The following TEK variants were observed in gnomAD, a reference collection of about 807,000 sequenced individuals.
The protein encoded by TEK is TEK receptor tyrosine kinase, also known as angiopoietin-1 receptor.
In TEK, 43 loss-of-function variants were observed where a neutral mutation model predicts 131.8. That is an observed-to-expected ratio of 0.33 (90% confidence interval 0.26 to 0.42). The LOEUF (loss-of-function observed/expected upper bound fraction) is 0.42, where lower values mean the gene tolerates loss of function less well. TEK is among the 10% of genes least tolerant of loss of function. The probability of loss-of-function intolerance (pLI) is 1.00; values close to 1 mark genes in which losing one functional copy is unlikely to be tolerated. For missense variants in TEK, 1,162 were observed against 1,384.4 expected, an observed-to-expected ratio of 0.84 and a Z score of 2.55; for synonymous variants, 580 against 491.6, an observed-to-expected ratio of 1.18 and a Z score of -2.38.
At position 27,209,040 on chromosome 9, in the gene TEK, G is replaced by A. The variant is rs192668797; in HGVS notation, c.2576-81G>A. The A allele has an allele frequency of 1.7e-4, 153 of 910,142 alleles. 1 individual carries two copies. In the East Asian group the frequency reaches 3.2e-3, roughly 19 times the overall value. The allele number at this position is 910,142 out of a possible 1,614,324, so 56.4% of individuals were successfully genotyped here. On this transcript the variant is annotated intron_variant, in intron 15 of 22. Coordinates refer to ENST00000380036, the MANE Select transcript of TEK (RefSeq NM_000459.5). ...TTGATGGTGACTGAGGGTAGCTGAA[G>A]GTTCTTAGGGGGCAGGACGGGACAG...
At chr9:27,222,738 G>A (rs1174755203) in intron 21 of TEK, among the ~76,000 whole-genome samples, 2 of 152,068 alleles carry the variant, frequency 1.3e-5, no homozygotes, top group African/African-American at 4.8e-5. Context: ...GGAAAACCCG[G>A]TACCAGCCAC....
At chr9:27,171,592 T>C (rs1823960164) in intron 4 of TEK, among the ~76,000 whole-genome samples, 1 of 152,224 alleles carries the variant, frequency 6.6e-6, no homozygotes. Flanking sequence ...GCAAGGTGTT[T>C]TATAGGCAGG....
At chr9:27,219,819 G>GGAA (rs921532580) in intron 20 of TEK, among the ~76,000 whole-genome samples, 6 of 102,342 alleles carry the variant, frequency 5.9e-5, no homozygotes, top group African/African-American at 1.7e-4. Flanking sequence ...CAGGCACTAA[G>GGAA]GAAGCCTGTG....
Position 27,202,963 on chromosome 9 carries a change from G to A in TEK, c.2053G>A (p.Val685Ile), listed in dbSNP as rs745978641. The A allele has an allele frequency of 8.7e-6, 14 of 1,613,956 alleles. No individual in the cohort carries two copies. Among genetic ancestry groups the A allele is most frequent in the South Asian group, 6.6e-5 (6 of 91,070 alleles). ...TCAAGGCAAGAATGAAGACCAGCAC[G>A]TTGATGTGAAGATAAAGAATGCCAC... Reference protein sequence around the residue: ...KVQGKNEDQHVDVKIKNATIT... With the variant: ...KVQGKNEDQHIDVKIKNATIT... The change falls in exon 13 of 23, where the codon GTT becomes ATT. Residue 685 changes from valine (V) to isoleucine (I), a missense_variant. This residue lies in a region of TEK where 477 missense variants were observed against 471.0 expected (regional missense o/e 1.01). Coordinates refer to ENST00000380036, the MANE Select transcript of TEK (RefSeq NM_000459.5).
At chr9:27,215,118 A>G (rs1825770065) in intron 18 of TEK, among the ~76,000 whole-genome samples, 1 of 152,162 alleles carries the variant, frequency 6.6e-6, no homozygotes, top group South Asian at 2.1e-4. Context: ...CAATCTACCC[A>G]TTCTATTTGG....
rs199691276 is a variant in TEK at position 27,169,636 on chromosome 9, G to A, written c.628+7G>A. The A allele has an allele frequency of 3.6e-5, 58 of 1,613,948 alleles. No individual in the cohort carries two copies. The highest frequency in any genetic ancestry group is 4.9e-5 in the Non-Finnish European group (58 of 1,179,924). On this transcript the variant is annotated splice_region_variant and intron_variant, in intron 4 of 22. Transcript: ENST00000380036. Reference sequence around the variant, plus strand: ...ACCAGGCTGATAGTCCGGAGTAAGTGATGGAGAGGCCACCATTTGTGATGG... The same window carrying A: ...ACCAGGCTGATAGTCCGGAGTAAGTAATGGAGAGGCCACCATTTGTGATGG...
intron 1 of TEK, among the ~76,000 whole-genome samples, chr9:27,149,012 A>AT (rs1823034031): frequency 6.6e-6 from 1 of 152,234 alleles, no homozygotes; most frequent in East Asian, 1.9e-4. Context: ...ACCATATTTT[A>AT]TTTTTTATTA....
In TEK at chr9:27,117,010, T is replaced by C. The variant is rs550481203; in HGVS notation, c.52+7368T>C. Among the ~76,000 whole-genome samples, 23 of 151,878 alleles carry C rather than the reference T, an allele frequency of 1.5e-4. No homozygotes were observed. The Middle Eastern group carries it at 0.01, about 67-fold the overall frequency. ...CCGAGTAGCTGGGACTACAGGCGCC[T>C]GCCACCACGCCCAGCTAATTTTTTT... On this transcript the variant is annotated intron_variant, in intron 1 of 22. Transcript: ENST00000380036.
At position 27,109,787 on chromosome 9, in the gene TEK, A is replaced by C. The variant is rs981532205; in HGVS notation, c.52+145A>C. The C allele has an allele frequency of 3.8e-6, 3 of 798,190 alleles. No homozygotes were observed. In the African/African-American group the frequency reaches 5.2e-5, roughly 14 times the overall value. 49.4% of individuals were successfully genotyped at this position (798,190 alleles called of 1,614,324 possible). On this transcript the variant is annotated intron_variant, in intron 1 of 22. Transcript: ENST00000380036. The stretch of plus-strand genomic sequence containing the variant: ...CCATTTCTCTGTGAGTCTCCAGTCA[A>C]TATGTGTGGAAGGATTGAAATGCAA...
chr9:27,135,746 A>G (rs955830683), intron 1 of TEK, among the ~76,000 whole-genome samples: 3 of 115,554 alleles, frequency 2.6e-5, no homozygotes, highest in African/African-American at 1.0e-4. Flanking sequence ...GACTCTGACC[A>G]TGAAGCTTCC....
intron 20 of TEK, 67 bp downstream of exon 20, chr9:27,218,884 C>T: frequency 6.8e-7 from 1 of 1,460,770 alleles, no homozygotes; most frequent in South Asian, 1.1e-5. Flanking sequence ...CTAGCACTCC[C>T]TTGCTGCATA....
chr9:27,192,374 A>T, intron 10 of TEK, 115 bp from the exon 11 acceptor site: 1 of 1,187,094 alleles, frequency 8.4e-7, no homozygotes, highest in Non-Finnish European at 1.3e-6. Context: ...TCTCTGTTTC[A>T]CTAAGACGTA....
intron 11 of TEK, among the ~76,000 whole-genome samples, chr9:27,193,267 C>T (rs779353250): frequency 6.6e-6 from 1 of 152,052 alleles, no homozygotes; most frequent in Admixed American, 6.6e-5. Flanking sequence ...CCTAAGTGTC[C>T]ATCAGAATCA....
rs994457948 is a variant in TEK, at chr9:27,171,788, T to C, written c.629-828T>C. 2.0e-5 allele frequency among the ~76,000 whole-genome samples: 3 copies of C among 152,344 alleles called. 1 individual carries two copies. The Middle Eastern group carries it at 0.01, about 518-fold the overall frequency. On this transcript the variant is annotated intron_variant, in intron 4 of 22. Transcript: ENST00000380036. Reference sequence around the variant, plus strand: ...AGCTTCTAGTAGCTTGCCTCACAGCTACCTTTACATGAAGTTTCTGTGGAC... The same window carrying C: ...AGCTTCTAGTAGCTTGCCTCACAGCCACCTTTACATGAAGTTTCTGTGGAC...
intron 21 of TEK, among the ~76,000 whole-genome samples, chr9:27,222,411 G>A (rs181100416): frequency 1.5e-3 from 234 of 152,156 alleles, no homozygotes; most frequent in Non-Finnish European, 2.9e-3. Context: ...CACATAAATC[G>A]TTAGATTCAC....
At position 27,161,412 on chromosome 9, in the gene TEK, C is replaced by G. The variant is rs551272287; in HGVS notation, c.364+3270C>G. ...TTTGTTTTAAATAAGTTGGTATATA[C>G]AAGAAGCATCGATTTACACAGTGAA... On this transcript the variant is annotated intron_variant, in intron 2 of 22. Transcript: ENST00000380036. 4.0e-4 allele frequency among the ~76,000 whole-genome samples: 61 copies of G among 152,260 alleles called. 1 individual carries two copies. The highest frequency in any genetic ancestry group is 3.3e-3 in the South Asian group (16 of 4,820).
intron 11 of TEK, among the ~76,000 whole-genome samples, chr9:27,195,932 A>G (rs1002977500): frequency 6.6e-6 from 1 of 152,206 alleles, no homozygotes; most frequent in Non-Finnish European, 1.5e-5. Flanking sequence ...TTGGTAGCCC[A>G]GGCTCCTGTG....
Position 27,213,506 on chromosome 9 carries a change from C to G in TEK, c.2900C>G (p.Ala967Gly). Reference sequence around the variant, plus strand: ...CAGTTTATCCACAGGGATCTGGCTGCCAGAAACATTTTAGTTGGTGAAAAC... The same window carrying G: ...CAGTTTATCCACAGGGATCTGGCTGGCAGAAACATTTTAGTTGGTGAAAAC... ...QKQFIHRDLA[A>G]RNILVGENYV... Residue 967 changes from alanine to glycine, a missense_variant, in exon 18 of 23, where the codon GCC becomes GGC. Physicochemically the swap from Ala to Gly is moderately conservative, Grantham distance 60. Coordinates refer to ENST00000380036, the MANE Select transcript of TEK (RefSeq NM_000459.5). 6.2e-7 allele frequency: 1 copy of G among 1,613,964 alleles called. No individual in the cohort carries two copies. The highest frequency in any genetic ancestry group is 1.3e-5 in the African/African-American group (1 of 75,028).
intron 1 of TEK, among the ~76,000 whole-genome samples, chr9:27,125,267 C>A (rs376523155): frequency 2.0e-5 from 3 of 152,196 alleles, no homozygotes; most frequent in Admixed American, 1.3e-4. Flanking sequence ...TGCTGAGTAA[C>A]TCTAGAGTAT....
Sources: gnomAD v4.1 joint callset for allele counts (sites outside exome capture counted in the v4.1 genomes callset) on GRCh38, gnomAD v4.1.1 for gene constraint, gnomAD v4.1.1 regional missense constraint, MANE v1.5 for transcripts, NCBI Gene and HGNC (gene_info 2026-07-23, HGNC 2026-07-21) for gene names.